CSNK1D: variants seen among roughly 807,000 people sequenced by gnomAD.
The protein encoded by CSNK1D is casein kinase 1 delta, also known as casein kinase I isoform delta.
CSNK1D carries 16 observed loss-of-function variants against 46.6 expected under a neutral mutation model. The observed-to-expected ratio is 0.34, with a 90% CI of 0.23 to 0.52. The LOEUF (loss-of-function observed/expected upper bound fraction) is 0.52. CSNK1D is among the 20% of genes least tolerant of loss of function. The pLI, the probability that CSNK1D is intolerant of heterozygous loss-of-function variation, is 0.95. For missense variants in CSNK1D, 398 were observed against 578.4 expected (o/e 0.69, Z 3.20); for synonymous variants, 276 against 228.2 (o/e 1.21, Z -1.89).
At position 82,251,463 on chromosome 17, in the gene CSNK1D, C is replaced by T. The variant is rs564750166; in HGVS notation, c.801G>A (p.Ser267=). Reference sequence around the variant, plus strand: ...GATTCCGGAAAAGCTGCCGCAGGTACGAGTAGTCAGGCTTGTCGTCAAAAC... The same window carrying T: ...GATTCCGGAAAAGCTGCCGCAGGTATGAGTAGTCAGGCTTGTCGTCAAAAC... ...SLRFDDKPDY[S]YLRQLFRNLF... Residue 267 remains serine, a synonymous_variant, in exon 6 of 9, where the codon TCG becomes TCA. Transcript: ENST00000314028. This position sits in a 1 kb window ranked among gnomAD's most constrained non-coding sequence, Gnocchi z 4.5. The T allele has an allele frequency of 8.6e-5, 139 of 1,614,122 alleles. 1 individual carries two copies. The Middle Eastern group carries it at 3.8e-3, about 44-fold the overall frequency.
intron 8 of CSNK1D, chr17:82,245,123 T>G (rs887630269): frequency 1.2e-5 from 7 of 575,402 alleles, no homozygotes; most frequent in Non-Finnish European, 2.2e-5. Context: ...TGCTCCTGCC[T>G]CCCTTCCTGG....
chr17:82,243,062 C>T lies in CSNK1D; in HGVS notation c.*1719G>A, dbSNP rs1334817670. On this transcript the variant is annotated 3_prime_UTR_variant, in exon 9 of 9. Transcript: ENST00000314028. ...CTCTTAACTCGGCTCTGACCCACCCCAACCTCCCTCTGTACTTCAACACAC... is the reference window on the plus strand; with the variant it reads ...CTCTTAACTCGGCTCTGACCCACCCTAACCTCCCTCTGTACTTCAACACAC... The T allele has an allele frequency of 2.7e-5, 27 of 985,380 alleles. No homozygotes were observed. The South Asian group carries it at 1.2e-3, about 45-fold the overall frequency. The allele number at this position is 985,380 out of a possible 1,614,324, so 61.0% of individuals were successfully genotyped here.
In CSNK1D at chr17:82,244,312, ATTT is replaced by A; in HGVS notation, c.*466_*468del. 1 of 1,099,392 alleles carries A rather than the reference ATTT, an allele frequency of 9.1e-7. No homozygotes were observed. 68.1% of individuals were successfully genotyped at this position (1,099,392 alleles called of 1,614,324 possible). ...CCTGTCTCAGAATTCCTTAGTCAACATTTTTTTTGTAAGACTGCAAAAACAGAC... is the reference window on the plus strand; with the variant it reads ...CCTGTCTCAGAATTCCTTAGTCAACATTTTTGTAAGACTGCAAAAACAGAC... On this transcript the variant is annotated 3_prime_UTR_variant, in exon 9 of 9. Transcript: ENST00000314028.
intron 8 of CSNK1D, chr17:82,247,496 G>T: frequency 1.0e-6 from 1 of 985,500 alleles, no homozygotes; most frequent in Non-Finnish European, 1.2e-6. Context: ...GCCAAGCGCT[G>T]GGGCGAGGCT....
chr17:82,246,494 C>T (rs894268573), intron 8 of CSNK1D: 5 of 1,087,896 alleles, frequency 4.6e-6, no homozygotes, highest in Admixed American at 9.4e-5. Context: ...CTTCTTCTCA[C>T]CAAGTAAAAA....
At chr17:82,266,835 CG>C (rs1568584074) in intron 1 of CSNK1D, 2 of 152,166 alleles carry the variant, frequency 1.3e-5, no homozygotes, top group Non-Finnish European at 1.5e-5. Context: ...CCAAGGCGGG[CG>C]GATCACAAGG....
At chr17:82,241,025 G>A (rs1015137693), downstream of CSNK1D, among the ~76,000 whole-genome samples, 2 of 152,118 alleles carry the variant, frequency 1.3e-5, no homozygotes, top group African/African-American at 4.8e-5. Context: ...CCCCAACCCC[G>A]GCGACAGATT....
At chr17:82,271,060 T>C (rs576697080) in intron 1 of CSNK1D, among the ~76,000 whole-genome samples, 6 of 152,308 alleles carry the variant, frequency 3.9e-5, no homozygotes, top group Admixed American at 6.5e-5. Context: ...AGAGAACAGA[T>C]AGTTTCAAAG....
chr17:82,254,462 C>G (rs1238595226), intron 3 of CSNK1D: 10 of 271,674 alleles, frequency 3.7e-5, no homozygotes, highest in Non-Finnish European at 5.4e-5. Flanking sequence ...CCGCCGGAGC[C>G]TGGAGAAGCC....
chr17:82,250,106 C>T lies in CSNK1D; in HGVS notation c.886-504G>A, dbSNP rs564285783. The T allele has an allele frequency of 2.6e-4, 341 of 1,290,252 alleles. No homozygotes were observed. In the African/African-American group the frequency reaches 4.5e-3, roughly 17 times the overall value. 79.9% of individuals were successfully genotyped at this position (1,290,252 alleles called of 1,614,324 possible). A position where few individuals can be genotyped will look rare whatever the true frequency, so the allele number is the denominator to read the frequency against. ...CAGGTGTGGTGGCGTGGCCAGCAGC[C>T]GGCAGCCGGATCTGTGCTGCACTAT... On this transcript the variant is annotated intron_variant, in intron 6 of 8. Transcript: ENST00000314028. This position sits in a 1 kb window ranked among gnomAD's most constrained non-coding sequence, Gnocchi z 4.6.
rs2051614499 is a variant in CSNK1D, at chr17:82,271,216, C to G, written c.76+2090G>C. Among the ~76,000 whole-genome samples the G allele has an allele frequency of 2.0e-5, 3 of 152,166 alleles. No homozygotes were observed. The South Asian group carries it at 6.2e-4, about 32-fold the overall frequency. ...TCAGCCTCCCAAGTAGCTGGAATTA[C>G]AGGCAGCCACCACCACGCCTGGCCA... On this transcript the variant is annotated intron_variant, in intron 1 of 8. Transcript: ENST00000314028.
At chr17:82,240,144 G>A, downstream of CSNK1D, 1 of 1,074,688 alleles carries the variant, frequency 9.3e-7, no homozygotes, top group Non-Finnish European at 1.2e-6. Flanking sequence ...AGCTGGGCTT[G>A]AGCTCTTGCA....
chr17:82,256,117 T>G (rs1012736711), intron 2 of CSNK1D, among the ~76,000 whole-genome samples: 1 of 152,120 alleles, frequency 6.6e-6, no homozygotes, highest in Non-Finnish European at 1.5e-5. Context: ...AGGATTGAAA[T>G]ATACAAATCA....
At chr17:82,263,972 C>T (rs866353381) in intron 2 of CSNK1D, among the ~76,000 whole-genome samples, 6 of 152,336 alleles carry the variant, frequency 3.9e-5, no homozygotes, top group Middle Eastern at 3.4e-3. Flanking sequence ...ACGTGAGGCC[C>T]GTGATGGGAC....
downstream of CSNK1D, among the ~76,000 whole-genome samples, chr17:82,241,198 G>A (rs888463737): frequency 1.3e-5 from 2 of 152,210 alleles, no homozygotes; most frequent in East Asian, 1.9e-4. Flanking sequence ...GTGTCCGCCC[G>A]GCCTGGGCCT....
At chr17:82,268,892 G>C (rs957903932) in intron 1 of CSNK1D, among the ~76,000 whole-genome samples, 1 of 151,876 alleles carries the variant, frequency 6.6e-6, no homozygotes, top group African/African-American at 2.4e-5. Context: ...TCAGGCATTC[G>C]AGACCAGCCT....
rs569707906 is a variant in CSNK1D at position 82,255,967 on chromosome 17, T to C, written c.188-390A>G. Among the ~76,000 whole-genome samples, 9 of 152,090 alleles carry C rather than the reference T, an allele frequency of 5.9e-5. No individual in the cohort carries two copies. The East Asian group carries it at 1.5e-3, about 26-fold the overall frequency. On this transcript the variant is annotated intron_variant, in intron 2 of 8. Coordinates refer to ENST00000314028, the MANE Select transcript of CSNK1D (RefSeq NM_001893.6). This position sits in a 1 kb window ranked among gnomAD's most constrained non-coding sequence, Gnocchi z 5.9. ...CCCGCCAGAAACGTCACACAGGAGA[T>C]GGGAGGAGAGAAAGCAGCTACCGTG...
At chr17:82,256,036 G>A (rs952618167) in intron 2 of CSNK1D, among the ~76,000 whole-genome samples, 1 of 152,234 alleles carries the variant, frequency 6.6e-6, no homozygotes, top group Non-Finnish European at 1.5e-5. Flanking sequence ...TCCGATGTTG[G>A]TAGAAGTATT....
chr17:82,245,934 C>T (rs1472878961), intron 8 of CSNK1D: 2 of 1,569,682 alleles, frequency 1.3e-6, no homozygotes, highest in African/African-American at 2.7e-5. Flanking sequence ...GGCTCCCACC[C>T]ACCTGGCGCT....
Sources: allele counts gnomAD v4.1 joint callset (sites outside exome capture counted in the v4.1 genomes callset), GRCh38; gene constraint gnomAD v4.1.1; non-coding constraint Gnocchi (gnomAD v3.1); transcripts MANE v1.5; gene names NCBI Gene and HGNC (gene_info 2026-07-23, HGNC 2026-07-21).